Variants in TCERG1L observed in about 807,000 individuals in gnomAD.
TCERG1L encodes transcription elongation regulator 1-like protein.
TCERG1L carries 37 observed loss-of-function variants against 56.3 expected under a neutral mutation model. The ratio of observed to expected loss-of-function variants is 0.66; its 90% CI spans 0.51 to 0.87. The LOEUF (loss-of-function observed/expected upper bound fraction) is 0.87. Among genes scored for constraint, TCERG1L ranks in the 40% least tolerant of loss-of-function variants. The pLI, the probability that TCERG1L is intolerant of heterozygous loss-of-function variation, is 0.00. For missense variants in TCERG1L, 799 were observed against 774.2 expected (o/e 1.03, Z -0.38); for synonymous variants, 324 against 326.3 (o/e 0.99, Z 0.08).
chr10:131,221,285 T>C (rs1845729226), intron 4 of TCERG1L, among the ~76,000 whole-genome samples: 1 of 152,194 alleles, frequency 6.6e-6, no homozygotes, highest in Non-Finnish European at 1.5e-5. Context: ...AGGAAGTCTG[T>C]GTTCAAATCA....
At chr10:131,175,687 C>G (rs1381400872) in intron 4 of TCERG1L, among the ~76,000 whole-genome samples, 1 of 152,186 alleles carries the variant, frequency 6.6e-6, no homozygotes, top group Non-Finnish European at 1.5e-5. Context: ...ACATATTAAA[C>G]CAGACAATTT....
chr10:131,156,947 T>C (rs1845929970), intron 6 of TCERG1L, among the ~76,000 whole-genome samples: 1 of 152,178 alleles, frequency 6.6e-6, no homozygotes, highest in Admixed American at 6.5e-5. Context: ...CTCATCCTGC[T>C]ACAACACCTA....
At chr10:131,180,031 G>A (rs1160699257) in intron 4 of TCERG1L, among the ~76,000 whole-genome samples, 1 of 152,180 alleles carries the variant, frequency 6.6e-6, no homozygotes, top group African/African-American at 2.4e-5. Context: ...AGACCTGAGG[G>A]AGGTCGGGAG....
rs534713840 is a variant in TCERG1L at position 131,277,380 on chromosome 10, G to A, written c.671-16936C>T. On this transcript the variant is annotated intron_variant, in intron 3 of 11. Coordinates refer to ENST00000368642, the MANE Select transcript of TCERG1L (RefSeq NM_174937.4). Reference sequence around the variant, plus strand: ...ACCCCAAAGCTCTAACAACCGGAGCGGTCACTGCAGCTGCCCAGATGGACA... The same window carrying A: ...ACCCCAAAGCTCTAACAACCGGAGCAGTCACTGCAGCTGCCCAGATGGACA... Among the ~76,000 whole-genome samples, 10 of 152,306 alleles carry A rather than the reference G, an allele frequency of 6.6e-5. No homozygotes were observed. In the East Asian group the frequency reaches 1.4e-3, roughly 21 times the overall value.
At chr10:131,240,362 T>C (rs1208090730) in intron 4 of TCERG1L, among the ~76,000 whole-genome samples, 1 of 150,292 alleles carries the variant, frequency 6.7e-6, no homozygotes, top group Non-Finnish European at 1.5e-5. Context: ...CGTTCATGCA[T>C]GCATGTATTG....
rs533996756 is a variant in TCERG1L at position 131,276,789 on chromosome 10, C to T, written c.671-16345G>A. ...CATGCTGCTTCCTTCCATGACTGTC[C>T]GGGACGGTAGACAGGTCTTCAGTGG... On this transcript the variant is annotated intron_variant, in intron 3 of 11. Coordinates refer to ENST00000368642, the MANE Select transcript of TCERG1L (RefSeq NM_174937.4). Among the ~76,000 whole-genome samples, 47 of 152,260 alleles carry T rather than the reference C, an allele frequency of 3.1e-4. No individual in the cohort carries two copies. In the South Asian group the frequency reaches 7.3e-3, roughly 24 times the overall value.
Position 131,191,420 on chromosome 10 carries a change from C to T in TCERG1L, c.857-24535G>A, listed in dbSNP as rs576217763. On this transcript the variant is annotated intron_variant, in intron 4 of 11. Transcript: ENST00000368642. ...TGGAACCAAAAAAGAGCCCAAATAC[C>T]CAAAGCAATCCTAAGCAAAACAAAC... Among the ~76,000 whole-genome samples, 38 of 143,298 alleles carry T rather than the reference C, an allele frequency of 2.7e-4. 9 individuals are homozygous for T. Among genetic ancestry groups the T allele is most frequent in the African/African-American group, 9.5e-4 (36 of 38,016 alleles). The allele number at this position is 143,298 out of a possible 152,430, so 94.0% of individuals were successfully genotyped here.
chr10:131,307,407 T>C (rs762316876), intron 3 of TCERG1L, among the ~76,000 whole-genome samples: 1 of 152,206 alleles, frequency 6.6e-6, no homozygotes, highest in African/African-American at 2.4e-5. Flanking sequence ...AAGAACATCT[T>C]ATTACTAAAT....
chr10:131,124,985 C>A (rs1845549814), intron 8 of TCERG1L, among the ~76,000 whole-genome samples: 1 of 152,226 alleles, frequency 6.6e-6, no homozygotes. Flanking sequence ...TGATGGCTCA[C>A]TGTGTCAAAC....
At chr10:131,138,377 G>A (rs560238832) in intron 7 of TCERG1L, among the ~76,000 whole-genome samples, 26 of 152,170 alleles carry the variant, frequency 1.7e-4, no homozygotes, top group Non-Finnish European at 2.5e-4. Context: ...CACCACACAC[G>A]GTGAGGAATA....
intron 4 of TCERG1L, among the ~76,000 whole-genome samples, chr10:131,259,127 C>A (rs1035187833): frequency 6.6e-6 from 1 of 152,144 alleles, no homozygotes; most frequent in Non-Finnish European, 1.5e-5. Context: ...ATAGAAATAG[C>A]GAACGCCGAA....
chr10:131,264,084 GA>G (rs5789081), intron 3 of TCERG1L, among the ~76,000 whole-genome samples: 144,714 of 144,714 alleles, frequency 1, 72,357 homozygotes, highest in Non-Finnish European at 1. Context: ...CTCAGCCACT[GA>G]TAACATCCCC....
intron 6 of TCERG1L, among the ~76,000 whole-genome samples, chr10:131,149,084 C>T (rs760136101): frequency 1.4e-4 from 22 of 152,258 alleles, no homozygotes; most frequent in Non-Finnish European, 3.1e-4. Flanking sequence ...CTGAGAAGGT[C>T]GCCTCCCCTC....
intron 3 of TCERG1L, among the ~76,000 whole-genome samples, chr10:131,269,355 T>C (rs1393102236): frequency 6.6e-6 from 1 of 152,070 alleles, no homozygotes; most frequent in East Asian, 1.9e-4. Context: ...CCTGGCTCAT[T>C]TTTGTATTTT....
At chr10:131,131,291 G>A (rs1266106205) in intron 8 of TCERG1L, among the ~76,000 whole-genome samples, 1 of 152,146 alleles carries the variant, frequency 6.6e-6, no homozygotes, top group African/African-American at 2.4e-5. Context: ...GGAGGGAACT[G>A]TTCACGGGAA....
chr10:131,309,834 C>CAAAAAA (rs58892586), intron 1 of TCERG1L, among the ~76,000 whole-genome samples: 4,368 of 49,900 alleles, frequency 0.088, 703 homozygotes, highest in Non-Finnish European at 0.1. Context: ...GATTCTATGG[C>CAAAAAA]AAAAAAAAAA....
chr10:131,256,992 G>GGAAAGAAAGAAA (rs745516129), intron 4 of TCERG1L, among the ~76,000 whole-genome samples: 32 of 59,212 alleles, frequency 5.4e-4, no homozygotes, highest in Admixed American at 1.2e-3. Flanking sequence ...AAGGAAGGAA[G>GGAAAGAAAGAAA]GAAAGAAAGA....
chr10:131,274,780 C>T lies in TCERG1L; in HGVS notation c.671-14336G>A, dbSNP rs188374563. ...CTTTTCCAGCTGAGCTAAGCCCAGG[C>T]CGTGTGACACCGTCCCTTGGCATCA... is the stretch of plus-strand genomic sequence containing the variant. On this transcript the variant is annotated intron_variant, in intron 3 of 11. Transcript: ENST00000368642. Among the ~76,000 whole-genome samples, 272 of 152,306 alleles carry T rather than the reference C, an allele frequency of 1.8e-3. 1 individual carries two copies. The highest frequency in any genetic ancestry group is 6.2e-3 in the African/African-American group (258 of 41,562).
At chr10:131,170,770 G>A (rs1049353620) in intron 4 of TCERG1L, among the ~76,000 whole-genome samples, 7 of 152,150 alleles carry the variant, frequency 4.6e-5, no homozygotes, top group Non-Finnish European at 7.3e-5. Flanking sequence ...TCAAAGGGCC[G>A]CAGGGACTGG....
Sources: allele counts gnomAD v4.1 joint callset (sites outside exome capture counted in the v4.1 genomes callset), GRCh38; gene constraint gnomAD v4.1.1; transcripts MANE v1.5; gene names NCBI Gene and HGNC (gene_info 2026-07-23, HGNC 2026-07-21).